Variants in ACOXL observed in about 807,000 individuals in gnomAD.
ACOXL encodes acyl-CoA oxidase like.
A neutral mutation model predicts 71.9 loss-of-function variants in ACOXL; 70 were observed. The ratio of observed to expected loss-of-function variants is 0.97; its 90% CI spans 0.80 to 1.19. The LOEUF (loss-of-function observed/expected upper bound fraction) is 1.19, where lower values mean the gene tolerates loss of function less well. ACOXL is among the 50% of genes most tolerant of loss of function. The pLI is 0.00. For synonymous variants in ACOXL, 253 were observed against 281.6 expected, an observed-to-expected ratio of 0.90 and a Z score of 1.02; for missense variants, 703 against 736.3, an observed-to-expected ratio of 0.95 and a Z score of 0.52.
intron 9 of ACOXL, among the ~76,000 whole-genome samples, chr2:110,826,984 T>G (rs1689240736): frequency 6.6e-6 from 1 of 152,176 alleles, no homozygotes; most frequent in Non-Finnish European, 1.5e-5. Flanking sequence ...CACCAGAACA[T>G]GGGCTTTGGC....
At chr2:110,767,129 A>G (rs1681187421) in intron 1 of ACOXL, among the ~76,000 whole-genome samples, 1 of 152,170 alleles carries the variant, frequency 6.6e-6, no homozygotes, top group Non-Finnish European at 1.5e-5. Context: ...TTGTTAGGCC[A>G]TCCTTTTCAT....
intron 10 of ACOXL, among the ~76,000 whole-genome samples, chr2:110,907,164 C>T (rs570225167): frequency 1.6e-4 from 25 of 152,288 alleles, no homozygotes; most frequent in African/African-American, 2.9e-4. Context: ...TTTTCCTGGC[C>T]GGCAGATGGC....
intron 17 of ACOXL, 127 bp from the exon 18 acceptor site, chr2:111,117,489 A>G (rs927669737): frequency 1.0e-5 from 10 of 965,816 alleles, no homozygotes; most frequent in Non-Finnish European, 1.6e-5. Flanking sequence ...TCCACAGGAG[A>G]ATCCAAAGGG....
intron 1 of ACOXL, chr2:110,733,152 AC>A (rs1182046284): frequency 6.6e-6 from 1 of 152,260 alleles, no homozygotes; most frequent in African/African-American, 2.4e-5. Context: ...GCGATGTCCC[AC>A]CCTTGGTGGG....
chr2:110,923,978 A>T (rs527530961), intron 11 of ACOXL, among the ~76,000 whole-genome samples: 1 of 152,218 alleles, frequency 6.6e-6, no homozygotes, highest in South Asian at 2.1e-4. Flanking sequence ...GTCAGTACAG[A>T]TATACCTCAG....
chr2:110,972,910 A>G (rs2062273589), intron 12 of ACOXL, among the ~76,000 whole-genome samples: 1 of 152,194 alleles, frequency 6.6e-6, no homozygotes, highest in South Asian at 2.1e-4. Flanking sequence ...AGCACATATC[A>G]ATGCAGACTT....
intron 9 of ACOXL, among the ~76,000 whole-genome samples, chr2:110,838,238 G>A (rs1054226418): frequency 6.6e-6 from 1 of 152,204 alleles, no homozygotes; most frequent in African/African-American, 2.4e-5. Context: ...GTGTGCGTGT[G>A]CATGTCTGAA....
intron 1 of ACOXL, among the ~76,000 whole-genome samples, chr2:110,751,156 C>T (rs1387545480): frequency 6.6e-6 from 1 of 151,974 alleles, no homozygotes; most frequent in East Asian, 1.9e-4. Context: ...AAAAAATTAG[C>T]CAGGCATTGT....
At chr2:110,836,032 T>C (rs1314012605) in intron 9 of ACOXL, among the ~76,000 whole-genome samples, 2 of 152,228 alleles carry the variant, frequency 1.3e-5, no homozygotes, top group Non-Finnish European at 2.9e-5. Flanking sequence ...CACCAGCATC[T>C]CTAAGCATCA....
At chr2:110,965,926 A>G (rs1218932788) in intron 12 of ACOXL, among the ~76,000 whole-genome samples, 1 of 152,132 alleles carries the variant, frequency 6.6e-6, no homozygotes, top group Non-Finnish European at 1.5e-5. Flanking sequence ...GCTCCAGGAG[A>G]CACCTAATCC....
chr2:110,880,182 AGAAAG>A (rs1357049636), intron 10 of ACOXL, among the ~76,000 whole-genome samples: 38 of 151,776 alleles, frequency 2.5e-4, no homozygotes, highest in African/African-American at 8.5e-4. Context: ...AGAAAAGAAA[AGAAAG>A]GAAAAAAGAA....
chr2:110,811,359 C>T (rs1191636443), intron 9 of ACOXL, among the ~76,000 whole-genome samples: 2 of 152,096 alleles, frequency 1.3e-5, no homozygotes, highest in African/African-American at 2.4e-5. Flanking sequence ...TTGGTGGGAA[C>T]GGAAACCCTC....
At position 111,045,808 on chromosome 2, in the gene ACOXL, T is replaced by A. The variant is rs1461918473; in HGVS notation, c.1370-3410T>A. 2.6e-5 allele frequency among the ~76,000 whole-genome samples: 4 copies of A among 152,238 alleles called. No individual in the cohort carries two copies. In the East Asian group the frequency reaches 7.7e-4, roughly 29 times the overall value. On this transcript the variant is annotated intron_variant, in intron 15 of 17. Transcript: ENST00000439055. ...TTGGGCCTCTGTTCTGAAGGTTGGT[T>A]TTTGTCATCTGTGTAGAAAGGGCTG...
chr2:110,846,672 C>CACAA (rs1481282261), intron 10 of ACOXL, among the ~76,000 whole-genome samples: 1 of 151,892 alleles, frequency 6.6e-6, no homozygotes, highest in African/African-American at 2.4e-5. Context: ...CACACACACA[C>CACAA]ACAGTGTAAC....
intron 2 of ACOXL, among the ~76,000 whole-genome samples, chr2:110,782,872 T>C (rs951501905): frequency 1.3e-5 from 2 of 152,158 alleles, no homozygotes; most frequent in Non-Finnish European, 2.9e-5. Flanking sequence ...GTTGTGATGA[T>C]TCCAGAGAGG....
At chr2:111,045,456 G>T (rs547754010) in intron 15 of ACOXL, among the ~76,000 whole-genome samples, 7 of 152,224 alleles carry the variant, frequency 4.6e-5, no homozygotes, top group Non-Finnish European at 8.8e-5. Flanking sequence ...TTTTATAAGG[G>T]GCTTTTCCCC....
chr2:110,970,741 A>G (rs2062149233), intron 12 of ACOXL, among the ~76,000 whole-genome samples: 1 of 152,240 alleles, frequency 6.6e-6, no homozygotes. Flanking sequence ...CTTTTAAGCA[A>G]ATAGTGCTGG....
intron 10 of ACOXL, among the ~76,000 whole-genome samples, chr2:110,852,100 G>A (rs965956626): frequency 6.6e-6 from 1 of 152,216 alleles, no homozygotes; most frequent in African/African-American, 2.4e-5. Flanking sequence ...GACTGTCCAG[G>A]CTGGTGTTTG....
chr2:111,075,061 G>A (rs1361773830), intron 16 of ACOXL, among the ~76,000 whole-genome samples: 7 of 151,948 alleles, frequency 4.6e-5, no homozygotes, highest in African/African-American at 9.7e-5. Context: ...CTTCCTGTAC[G>A]ATCTTTGCCT....
Sources: allele counts gnomAD v4.1 joint callset (sites outside exome capture counted in the v4.1 genomes callset), GRCh38; gene constraint gnomAD v4.1.1; transcripts MANE v1.5; gene names NCBI Gene and HGNC (gene_info 2026-07-23, HGNC 2026-07-21).